The following RGS12 variants were observed in gnomAD, a reference collection of about 807,000 sequenced individuals.
RGS12 encodes regulator of G-protein signaling 12.
A neutral mutation model predicts 120.1 loss-of-function variants in RGS12; 66 were observed. The observed-to-expected ratio is 0.55, with a 90% CI of 0.45 to 0.67. The LOEUF (loss-of-function observed/expected upper bound fraction) is 0.67. Among genes scored for constraint, RGS12 ranks in the 30% least tolerant of loss-of-function variants. The pLI is 0.00. For missense variants in RGS12, 1,859 were observed against 1,957.7 expected (o/e 0.95, Z 0.95); for synonymous variants, 827 against 804.7 (o/e 1.03, Z -0.47).
At chr4:3,331,028 A>G (rs2108734668) in intron 2 of RGS12, among the ~76,000 whole-genome samples, 1 of 152,298 alleles carries the variant, frequency 6.6e-6, no homozygotes, top group Middle Eastern at 3.4e-3. Flanking sequence ...TAAGATTTCT[A>G]TTCCTGTGGA....
At chr4:3,308,663 C>T (rs1260872747) in intron 1 of RGS12, among the ~76,000 whole-genome samples, 1 of 152,214 alleles carries the variant, frequency 6.6e-6, no homozygotes, top group Non-Finnish European at 1.5e-5. Context: ...ATTCTCATGC[C>T]TTTGTGTGAG....
intron 4 of RGS12, among the ~76,000 whole-genome samples, chr4:3,406,320 G>T (rs1273224244): frequency 1.3e-5 from 2 of 152,264 alleles, no homozygotes; most frequent in African/African-American, 4.8e-5. Flanking sequence ...TGATGGACGG[G>T]TGGGCCGAAT....
At chr4:3,330,394 C>A (rs1370732048) in intron 2 of RGS12, among the ~76,000 whole-genome samples, 2 of 152,164 alleles carry the variant, frequency 1.3e-5, no homozygotes, top group Non-Finnish European at 2.9e-5. Flanking sequence ...CCTTTCTTGT[C>A]TGGGGTAACC....
intron 7 of RGS12, 61 bp downstream of exon 7, chr4:3,416,182 A>G: frequency 6.3e-7 from 1 of 1,578,904 alleles, no homozygotes; most frequent in Admixed American, 1.8e-5. Flanking sequence ...TATAGGGTCC[A>G]CCTTCAAAGA....
intron 17 of RGS12, among the ~76,000 whole-genome samples, chr4:3,435,678 C>T (rs1459580705): frequency 6.6e-6 from 1 of 152,124 alleles, no homozygotes; most frequent in African/African-American, 2.4e-5. Flanking sequence ...CTCCACAGCC[C>T]CCAGCCTGGT....
rs1286750542 is a variant in RGS12 at position 3,430,600 on chromosome 4, C to T, written c.3759C>T (p.Ser1253=). The T allele has an allele frequency of 6.2e-6, 10 of 1,611,720 alleles. No individual in the cohort carries two copies. Among genetic ancestry groups the T allele is most frequent in the Admixed American group, 1.7e-5 (1 of 59,830 alleles). Residue 1253 remains serine, a synonymous_variant, in exon 17 of 18, where the codon AGC becomes AGT. Transcript: ENST00000336727. ...KRSATGNGRE[S]ASQPGEQWEP... The stretch of plus-strand genomic sequence containing the variant: ...GCGCCACAGGCAACGGCCGGGAGAG[C>T]GCCTCCCAGCCTGGCGAGCAGTGGG...
rs781743368 is a variant in RGS12 at position 3,417,409 on chromosome 4, G to A, written c.2629G>A (p.Gly877Ser). Residue 877 changes from glycine to serine, a missense_variant, in exon 9 of 18, where the codon GGC becomes AGC. Around this residue, in one of 3 missense-constraint regions of RGS12, gnomAD observed 375 missense variants for 475.0 expected, o/e 0.79. Transcript: ENST00000336727. ...ACAGTTAAGTGGAAAATCAAAATCC[G>A]GCCGATCCCTGAATGAAGAGCTGGG... ...PKKLSGKSKSGRSLNEELGDE... is the reference protein window; with the variant it reads ...PKKLSGKSKSSRSLNEELGDE... 18 of 1,573,154 alleles carry A rather than the reference G, an allele frequency of 1.1e-5. No homozygotes were observed. Among genetic ancestry groups the A allele is most frequent in the South Asian group, 1.1e-5 (1 of 87,750 alleles).
chr4:3,344,562 T>G (rs1484028325), intron 3 of RGS12, among the ~76,000 whole-genome samples: 3 of 152,248 alleles, frequency 2.0e-5, no homozygotes, highest in African/African-American at 7.2e-5. Flanking sequence ...GAATGATATG[T>G]GGGTCTGGGC....
intron 2 of RGS12, among the ~76,000 whole-genome samples, chr4:3,319,862 C>T (rs1725063519): frequency 6.6e-6 from 1 of 152,238 alleles, no homozygotes; most frequent in Non-Finnish European, 1.5e-5. Flanking sequence ...CCGCCCTGGG[C>T]CTCACCTCAC....
intron 2 of RGS12, among the ~76,000 whole-genome samples, chr4:3,330,310 C>T (rs1483970186): frequency 6.6e-6 from 1 of 152,200 alleles, no homozygotes; most frequent in Non-Finnish European, 1.5e-5. Context: ...TAAGGATTCT[C>T]CTGCTAGCAA....
At chr4:3,363,975 G>T (rs1414112727) in intron 3 of RGS12, among the ~76,000 whole-genome samples, 1 of 152,160 alleles carries the variant, frequency 6.6e-6, no homozygotes, top group African/African-American at 2.4e-5. Context: ...CGGAGAGGCC[G>T]GGCACTGGGA....
At chr4:3,374,000 C>T (rs575500018) in intron 3 of RGS12, among the ~76,000 whole-genome samples, 26 of 152,356 alleles carry the variant, frequency 1.7e-4, no homozygotes, top group Middle Eastern at 3.4e-3. Flanking sequence ...GTATCCTTCT[C>T]GGGCCAAAAA....
chr4:3,404,343 C>T (rs1720892543), intron 4 of RGS12, among the ~76,000 whole-genome samples: 3 of 152,222 alleles, frequency 2.0e-5, no homozygotes, highest in African/African-American at 4.8e-5. Flanking sequence ...GCTGTAGTGA[C>T]TGCATGGTAG....
chr4:3,375,913 G>C (rs576503060), intron 3 of RGS12, among the ~76,000 whole-genome samples: 1 of 152,180 alleles, frequency 6.6e-6, no homozygotes, highest in Non-Finnish European at 1.5e-5. Context: ...CACGAATGTC[G>C]GCCTGGATGC....
At chr4:3,391,320 G>C (rs530488448) in intron 4 of RGS12, among the ~76,000 whole-genome samples, 2 of 152,298 alleles carry the variant, frequency 1.3e-5, no homozygotes, top group African/African-American at 4.8e-5. Flanking sequence ...CGATGTACTT[G>C]TTTCTTTCCA....
chr4:3,316,011 A>T (rs1037570142), intron 1 of RGS12, 59 bp from the exon 2 acceptor site: 1 of 635,634 alleles, frequency 1.6e-6, no homozygotes, highest in African/African-American at 1.8e-5. Flanking sequence ...AGCTAATACC[A>T]GTGAGTGGTG....
Position 3,428,125 on chromosome 4 carries a change from C to T in RGS12, c.3367C>T (p.Gln1123Ter). The change falls in exon 15 of 18, where the codon CAG becomes TAG. Residue 1123 changes from glutamine (Q) to a stop codon, truncating the protein, a stop_gained. Transcript: ENST00000336727. LOFTEE classifies it high-confidence loss of function. ...ADKQKGVPVK[Q>*]NTAVNSSSRN... ...TAAACAGAAAGGTGTGCCAGTGAAA[C>T]AGAACACAGCTGTAAATTCCAGCTC... 6.2e-7 allele frequency: 1 copy of T among 1,613,722 alleles called. No individual in the cohort carries two copies.
chr4:3,411,637 C>T (rs1319832581), intron 4 of RGS12, among the ~76,000 whole-genome samples: 2 of 152,246 alleles, frequency 1.3e-5, no homozygotes, highest in Admixed American at 6.5e-5. Flanking sequence ...TCCCTGGTGA[C>T]AGGATATTAG....
chr4:3,349,947 C>T (rs1015756286), intron 3 of RGS12, among the ~76,000 whole-genome samples: 3 of 152,156 alleles, frequency 2.0e-5, no homozygotes, highest in Non-Finnish European at 2.9e-5. Context: ...GATTACATGA[C>T]AGTCTATAAG....
Sources: gnomAD v4.1 joint callset for allele counts (sites outside exome capture counted in the v4.1 genomes callset) on GRCh38, gnomAD v4.1.1 for gene constraint, gnomAD v4.1.1 regional missense constraint, MANE v1.5 for transcripts, NCBI Gene and HGNC (gene_info 2026-07-23, HGNC 2026-07-21) for gene names.